Variants in LTBP3 observed in about 807,000 individuals in gnomAD.
The protein encoded by LTBP3 is latent-transforming growth factor beta-binding protein 3.
Under a neutral mutation model 159.7 loss-of-function variants are expected in LTBP3, and 97 were observed. That is an observed-to-expected ratio of 0.61 (90% confidence interval 0.52 to 0.72). The LOEUF (loss-of-function observed/expected upper bound fraction) is 0.72. LTBP3 is among the 30% of genes least tolerant of loss of function. The pLI, the probability that LTBP3 is intolerant of heterozygous loss-of-function variation, is 0.00. For missense variants in LTBP3, 1,584 were observed against 1,864.3 expected (o/e 0.85, Z 2.77); for synonymous variants, 824 against 777.1 (o/e 1.06, Z -1.00).
rs1359304611 is a variant in LTBP3, at chr11:65,540,221, C to T, written c.3244+24G>A. 8.4e-6 allele frequency: 13 copies of T among 1,547,698 alleles called. No homozygotes were observed. The East Asian group carries it at 2.2e-4, about 26-fold the overall frequency. ...CCCGGGCCCCGCCCCTCCCGCGTAC[C>T]CCACTCCCCGGCCCGGGCCTCACCC... On this transcript the variant is annotated intron_variant, in intron 23 of 27. Coordinates refer to ENST00000301873, the MANE Select transcript of LTBP3 (RefSeq NM_001130144.3).
rs1856466673 is a variant in LTBP3 at position 65,548,268 on chromosome 11, C to T, written c.1721-223G>A. 1.1e-5 allele frequency: 7 copies of T among 663,454 alleles called. No homozygotes were observed. The East Asian group carries it at 1.9e-4, about 18-fold the overall frequency. The allele number at this position is 663,454 out of a possible 1,614,324, so 41.1% of individuals were successfully genotyped here. A position where few individuals can be genotyped will look rare whatever the true frequency, so the allele number is the denominator to read the frequency against. On this transcript the variant is annotated intron_variant, in intron 11 of 27. Transcript: ENST00000301873. ...GGCCCCTGACAGCCGTATCACCCCA[C>T]ACCCAGGCCCGGATACTTCCATTCC... is the stretch of plus-strand genomic sequence containing the variant.
intron 18 of LTBP3, chr11:65,542,500 G>T: frequency 6.7e-6 from 1 of 148,840 alleles, no homozygotes; most frequent in South Asian, 1.8e-4. Flanking sequence ...CGATTCTTCT[G>T]CCTCAGCCTC....
Position 65,539,564 on chromosome 11 carries a change from C to A in LTBP3, c.3612G>T (p.Leu1204Phe), listed in dbSNP as rs1186393380. 2.5e-6 allele frequency: 4 copies of A among 1,612,726 alleles called. No individual in the cohort carries two copies. The highest frequency in any genetic ancestry group is 3.4e-6 in the Non-Finnish European group (4 of 1,179,302). Residue 1204 changes from leucine (L) to phenylalanine (F), a missense_variant, in exon 26 of 28, where the codon TTG becomes TTT. Coordinates refer to ENST00000301873, the MANE Select transcript of LTBP3 (RefSeq NM_001130144.3). Reference protein sequence around the residue: ...NSFWDTSPLLLGKPPRDEDSS... With the variant: ...NSFWDTSPLLFGKPPRDEDSS... ...AGCACTCACCTCTTGGGGGCTTCCC[C>A]AACAGCAGGGGGCTTGTGTCCCAGA...
At chr11:65,557,137 C>T (rs1163515008) in intron 1 of LTBP3, among the ~76,000 whole-genome samples, 1 of 152,178 alleles carries the variant, frequency 6.6e-6, no homozygotes, top group African/African-American at 2.4e-5. Context: ...CAGTAGCCGG[C>T]TCCCATCCCC....
chr11:65,553,832 T>G lies in LTBP3; in HGVS notation c.733A>C (p.Ile245Leu). 1 of 1,561,890 alleles carries G rather than the reference T, an allele frequency of 6.4e-7. No individual in the cohort carries two copies. The highest frequency in any genetic ancestry group is 8.6e-7 in the Non-Finnish European group (1 of 1,161,592). The part of the protein sequence containing the change: ...PPEASVQVHR[I>L]ESSNAESAAP... ...GCGCTCTCGGCGTTCGAGCTCTCAATGCGGTGCACCTGGACTGAGGCCTCG... is the reference window on the plus strand; with the variant it reads ...GCGCTCTCGGCGTTCGAGCTCTCAAGGCGGTGCACCTGGACTGAGGCCTCG... Residue 245 changes from isoleucine (I) to leucine (L), a missense_variant, in exon 3 of 28, where the codon ATT becomes CTT. By Grantham distance (5) the Ile-to-Leu change is conservative. Around this residue, in one of 6 missense-constraint regions of LTBP3, gnomAD observed 194 missense variants for 198.7 expected, o/e 0.98. Coordinates refer to ENST00000301873, the MANE Select transcript of LTBP3 (RefSeq NM_001130144.3). The surrounding 1 kb of genome is among the most constrained non-coding windows in gnomAD (Gnocchi z 6.5).
In LTBP3 at chr11:65,547,568, C is replaced by G. The variant is rs1275684003; in HGVS notation, c.1979-1G>C. The G allele has an allele frequency of 1.4e-5, 22 of 1,613,918 alleles. No homozygotes were observed. Among genetic ancestry groups the G allele is most frequent in the Non-Finnish European group, 1.9e-5 (22 of 1,179,914 alleles). On this transcript the variant is annotated splice_acceptor_variant, in intron 13 of 27. Coordinates refer to ENST00000301873, the MANE Select transcript of LTBP3 (RefSeq NM_001130144.3). LOFTEE classifies it high-confidence loss of function. This position sits in a 1 kb window ranked among gnomAD's most constrained non-coding sequence, Gnocchi z 4.6. The stretch of plus-strand genomic sequence containing the variant: ...TGGGGCTTGGCGCATTCGTTCAGGT[C>G]TGTGCGGGAGGAAGGGGCCACGAAG...
chr11:65,547,592 AG>A lies in LTBP3; in HGVS notation c.1979-26del, dbSNP rs1166574745. ...TCTGTGCGGGAGGAAGGGGCCACGA[AG>A]GGGGTGTAGGAGGCGGCGGGCAAGG... On this transcript the variant is annotated intron_variant, in intron 13 of 27. Transcript: ENST00000301873. The surrounding 1 kb of genome is among the most constrained non-coding windows in gnomAD (Gnocchi z 4.6). 4 of 1,612,452 alleles carry A rather than the reference AG, an allele frequency of 2.5e-6. No homozygotes were observed. The African/African-American group carries it at 5.3e-5, about 22-fold the overall frequency.
chr11:65,548,521 C>A (rs772161463), intron 11 of LTBP3: 1 of 211,152 alleles, frequency 4.7e-6, no homozygotes, highest in Non-Finnish European at 9.7e-6. Flanking sequence ...GGTTGATTAC[C>A]CCCTCCCAAG....
At chr11:65,556,153 C>T (rs1590789400) in intron 1 of LTBP3, among the ~76,000 whole-genome samples, 1 of 152,110 alleles carries the variant, frequency 6.6e-6, no homozygotes, top group East Asian at 1.9e-4. Context: ...GAGATGGACA[C>T]ACGTACACTC....
Position 65,553,946 on chromosome 11 carries a change from C to G in LTBP3, c.662-43G>C. The G allele has an allele frequency of 6.6e-7, 1 of 1,521,814 alleles. No homozygotes were observed. Among genetic ancestry groups the G allele is most frequent in the Non-Finnish European group, 8.9e-7 (1 of 1,129,230 alleles). 94.3% of individuals were successfully genotyped at this position (1,521,814 alleles called of 1,614,324 possible). On this transcript the variant is annotated intron_variant, in intron 2 of 27. Transcript: ENST00000301873. This position sits in a 1 kb window ranked among gnomAD's most constrained non-coding sequence, Gnocchi z 6.5. ...GGCCTCAGGGCTGCCCGCACCGCGC[C>G]GCGGGTCACCGCGCTGAGCTCCTCC...
At chr11:65,556,003 CT>C (rs1429042526) in intron 1 of LTBP3, among the ~76,000 whole-genome samples, 1 of 152,164 alleles carries the variant, frequency 6.6e-6, no homozygotes, top group Non-Finnish European at 1.5e-5. Context: ...TCTCTTTTTC[CT>C]TTCTGCCAGT....
In LTBP3 at chr11:65,546,367, A is replaced by G; in HGVS notation, c.2353+75T>C. The G allele has an allele frequency of 6.8e-7, 1 of 1,461,234 alleles. No individual in the cohort carries two copies. The highest frequency in any genetic ancestry group is 9.0e-7 in the Non-Finnish European group (1 of 1,108,836). The allele number at this position is 1,461,234 out of a possible 1,614,324, so 90.5% of individuals were successfully genotyped here. The stretch of plus-strand genomic sequence containing the variant: ...GAGCCACCTTCCACCCACTGTTTAC[A>G]GACAGCGTGACCCGCTCCCCGGCTT... On this transcript the variant is annotated intron_variant, in intron 16 of 27. Transcript: ENST00000301873. This position sits in a 1 kb window ranked among gnomAD's most constrained non-coding sequence, Gnocchi z 4.0.
At position 65,558,249 on chromosome 11, in the gene LTBP3, G is replaced by A. The variant is rs1209633532; in HGVS notation, c.-290C>T. 3.9e-6 allele frequency: 4 copies of A among 1,033,568 alleles called. No individual in the cohort carries two copies. Among genetic ancestry groups the A allele is most frequent in the Admixed American group, 5.6e-5 (1 of 17,836 alleles). 64.0% of individuals were successfully genotyped at this position (1,033,568 alleles called of 1,614,324 possible). A position where few individuals can be genotyped will look rare whatever the true frequency, so the allele number is the denominator to read the frequency against. On this transcript the variant is annotated 5_prime_UTR_variant, in exon 1 of 28. Coordinates refer to ENST00000301873, the MANE Select transcript of LTBP3 (RefSeq NM_001130144.3). ...GCAAGTTGAGGCGGAGAGGAGGAGC[G>A]AGGGAGAGGAAGGCCGGGCGGCCGG...
In LTBP3 at chr11:65,552,007, T is replaced by C; in HGVS notation, c.1496A>G (p.Gln499Arg). The C allele has an allele frequency of 1.9e-6, 3 of 1,613,984 alleles. No individual in the cohort carries two copies. The highest frequency in any genetic ancestry group is 2.5e-6 in the Non-Finnish European group (3 of 1,179,964). The change falls in exon 8 of 28, where the codon CAG becomes CGG. Residue 499 changes from glutamine (Q) to arginine (R), a missense_variant. Coordinates refer to ENST00000301873, the MANE Select transcript of LTBP3 (RefSeq NM_001130144.3). This position sits in a 1 kb window ranked among gnomAD's most constrained non-coding sequence, Gnocchi z 6.0. Reference protein sequence around the residue: ...KPQQLPESPSQAPPPEDTEEE... With the variant: ...KPQQLPESPSRAPPPEDTEEE... Reference sequence around the variant, plus strand: ...CTCTGTGTCCTCAGGTGGTGGAGCCTGGCTAGGGCTCTCCGGAAGCTGCTG... The same window carrying C: ...CTCTGTGTCCTCAGGTGGTGGAGCCCGGCTAGGGCTCTCCGGAAGCTGCTG...
rs1220739417 is a variant in LTBP3 at position 65,539,872 on chromosome 11, G to A, written c.3395C>T (p.Pro1132Leu). 6.6e-6 allele frequency: 10 copies of A among 1,514,444 alleles called. No homozygotes were observed. The highest frequency in any genetic ancestry group is 2.6e-5 in the East Asian group (1 of 38,462). 93.8% of individuals were successfully genotyped at this position (1,514,444 alleles called of 1,614,324 possible). A position where few individuals can be genotyped will look rare whatever the true frequency, so the allele number is the denominator to read the frequency against. Residue 1132 changes from proline to leucine, a missense_variant, in exon 25 of 28, where the codon CCG becomes CTG. Physicochemically the swap from Pro to Leu is moderately conservative, Grantham distance 98 (BLOSUM62 -3). Transcript: ENST00000301873. ...QLPESPAERA[P>L]ERRDVCWSQR... ...GCTCCAGCACACGTCGCGCCGCTCC[G>A]GGGCACGCTCTGCGGAAGACACCTG...
chr11:65,556,388 C>T lies in LTBP3; in HGVS notation c.331+1241G>A, dbSNP rs528002553. Among the ~76,000 whole-genome samples the T allele has an allele frequency of 9.2e-5, 14 of 152,246 alleles. No homozygotes were observed. The East Asian group carries it at 2.3e-3, about 25-fold the overall frequency. ...ACTAAATACAAAAAAATTGGCCAGGCGTGGTGGCGCATGCCTGTAATCCCA... is the reference window on the plus strand; with the variant it reads ...ACTAAATACAAAAAAATTGGCCAGGTGTGGTGGCGCATGCCTGTAATCCCA... On this transcript the variant is annotated intron_variant, in intron 1 of 27. Coordinates refer to ENST00000301873, the MANE Select transcript of LTBP3 (RefSeq NM_001130144.3).
At chr11:65,556,603 G>C (rs752081996) in intron 1 of LTBP3, among the ~76,000 whole-genome samples, 2 of 152,180 alleles carry the variant, frequency 1.3e-5, no homozygotes, top group Non-Finnish European at 2.9e-5. Context: ...ACAACACAAA[G>C]ACGGGTACTT....
intron 11 of LTBP3, chr11:65,548,864 T>C (rs577008457): frequency 1.3e-5 from 2 of 152,348 alleles, no homozygotes; most frequent in Middle Eastern, 6.8e-3. Flanking sequence ...CTTGTCCACA[T>C]TCCCAAAGCC....
At position 65,553,951 on chromosome 11, in the gene LTBP3, G is replaced by C; in HGVS notation, c.662-48C>G. 8.5e-6 allele frequency: 13 copies of C among 1,531,404 alleles called. No homozygotes were observed. Among genetic ancestry groups the C allele is most frequent in the Non-Finnish European group, 1.1e-5 (13 of 1,135,318 alleles). 94.9% of individuals were successfully genotyped at this position (1,531,404 alleles called of 1,614,324 possible). ...CAGGGCTGCCCGCACCGCGCCGCGG[G>C]TCACCGCGCTGAGCTCCTCCAGGGC... On this transcript the variant is annotated intron_variant, in intron 2 of 27. Coordinates refer to ENST00000301873, the MANE Select transcript of LTBP3 (RefSeq NM_001130144.3). The surrounding 1 kb of genome is among the most constrained non-coding windows in gnomAD (Gnocchi z 6.5).
Sources: gnomAD v4.1 joint callset for allele counts (sites outside exome capture counted in the v4.1 genomes callset) on GRCh38, gnomAD v4.1.1 for gene constraint, gnomAD v4.1.1 regional missense constraint, Gnocchi (gnomAD v3.1) non-coding constraint, MANE v1.5 for transcripts, NCBI Gene and HGNC (gene_info 2026-07-23, HGNC 2026-07-21) for gene names.